The following FIGN variants were observed in gnomAD, a reference collection of about 807,000 sequenced individuals.
FIGN encodes the protein fidgetin.
A neutral mutation model predicts 51.3 loss-of-function variants in FIGN; 11 were observed. The observed-to-expected ratio is 0.21, with a 90% CI of 0.13 to 0.35. The LOEUF (loss-of-function observed/expected upper bound fraction) is 0.35, where lower values mean the gene tolerates loss of function less well. Ranked by LOEUF, FIGN falls within the 10% of genes least tolerant of loss-of-function variation. FIGN has a pLI of 1.00. For synonymous variants in FIGN, 407 were observed against 363.2 expected, an observed-to-expected ratio of 1.12 and a Z score of -1.37; for missense variants, 857 against 943.6, an observed-to-expected ratio of 0.91 and a Z score of 1.20.
rs565171253 is a variant in FIGN, at chr2:163,623,486, A to G, written c.26-11680T>C. On this transcript the variant is annotated intron_variant, in intron 2 of 2. Coordinates refer to ENST00000333129, the MANE Select transcript of FIGN (RefSeq NM_018086.4). ...TCTAGGTTTACAGGAAAAGCAAATA[A>G]TTAATGCACCCCTATTATTACTATA... Among the ~76,000 whole-genome samples, 11 of 152,276 alleles carry G rather than the reference A, an allele frequency of 7.2e-5. No homozygotes were observed. The South Asian group carries it at 2.3e-3, about 32-fold the overall frequency.
rs1553498980 is a variant in FIGN at position 163,668,024 on chromosome 2, C to CG, written c.26-56219_26-56218insC. ...ACACCCCTACCTCCAACCCCCCCCC[C>CG]CAAAAAACCCTCCACAAGTAACAAA... is the stretch of plus-strand genomic sequence containing the variant. On this transcript the variant is annotated intron_variant, in intron 2 of 2. Transcript: ENST00000333129. 1.1e-4 allele frequency among the ~76,000 whole-genome samples: 16 copies of CG among 149,486 alleles called. 1 individual carries two copies. Among genetic ancestry groups the CG allele is most frequent in the African/African-American group, 3.8e-4 (15 of 39,778 alleles).
At chr2:163,663,365 G>A (rs563844766) in intron 2 of FIGN, among the ~76,000 whole-genome samples, 18 of 151,286 alleles carry the variant, frequency 1.2e-4, no homozygotes, top group Admixed American at 4.6e-4. Flanking sequence ...ACGGAGTTTT[G>A]CTCTTGTTGC....
Position 163,610,551 on chromosome 2 carries a change from C to A in FIGN, c.1281G>T (p.Met427Ile), listed in dbSNP as rs1309430688. The change falls in exon 3 of 3, where the codon ATG (methionine) becomes ATT (isoleucine). Residue 427 changes from methionine to isoleucine, a missense_variant. Around this residue, in one of 3 missense-constraint regions of FIGN, gnomAD observed 799 missense variants for 849.5 expected, o/e 0.94. Transcript: ENST00000333129. ...ESFGKYTSPVMSEHGDEHRQL... is the reference protein window; with the variant it reads ...ESFGKYTSPVISEHGDEHRQL... ...GCCTGTGCTCGTCCCCATGCTCACT[C>A]ATTACTGGCGATGTGTACTTCCCAA... is the stretch of plus-strand genomic sequence containing the variant. 3.1e-6 allele frequency: 5 copies of A among 1,614,186 alleles called. No homozygotes were observed. Among genetic ancestry groups the A allele is most frequent in the Non-Finnish European group, 4.2e-6 (5 of 1,180,040 alleles).
chr2:163,682,522 T>A (rs1458933115), intron 2 of FIGN, among the ~76,000 whole-genome samples: 1 of 152,020 alleles, frequency 6.6e-6, no homozygotes, highest in Non-Finnish European at 1.5e-5. Context: ...ATCCAGAAAA[T>A]AATTACAGAA....
At chr2:163,729,589 T>A (rs1322087879) in intron 2 of FIGN, among the ~76,000 whole-genome samples, 1 of 152,098 alleles carries the variant, frequency 6.6e-6, no homozygotes, top group Non-Finnish European at 1.5e-5. Flanking sequence ...CTAAAAAACA[T>A]TTCCCAACAC....
intron 2 of FIGN, among the ~76,000 whole-genome samples, chr2:163,727,346 T>C (rs1306161818): frequency 6.6e-6 from 1 of 151,456 alleles, no homozygotes; most frequent in Non-Finnish European, 1.5e-5. Flanking sequence ...TGTGGCTAAC[T>C]ACCTACTAAA....
chr2:163,611,916 A>T (rs1691271406), intron 2 of FIGN, 110 bp from the exon 3 acceptor site: 1 of 527,694 alleles, frequency 1.9e-6, no homozygotes, highest in Non-Finnish European at 2.9e-6. Flanking sequence ...AATGATATGC[A>T]TACTTTAAAA....
intron 2 of FIGN, among the ~76,000 whole-genome samples, chr2:163,628,083 C>T (rs1683084016): frequency 6.6e-6 from 1 of 152,108 alleles, no homozygotes; most frequent in Non-Finnish European, 1.5e-5. Context: ...TAAAAAATGA[C>T]AAATGGTGAT....
At chr2:163,694,573 T>C (rs1000986087) in intron 2 of FIGN, among the ~76,000 whole-genome samples, 1 of 152,148 alleles carries the variant, frequency 6.6e-6, no homozygotes, top group African/African-American at 2.4e-5. Context: ...GATGAAAACA[T>C]AGAAAGTGTC....
intron 1 of FIGN, among the ~76,000 whole-genome samples, chr2:163,735,424 C>A (rs1044256797): frequency 1.3e-5 from 2 of 152,126 alleles, no homozygotes; most frequent in African/African-American, 4.8e-5. Context: ...TGTGTGTGTG[C>A]AAGATTCTTA....
Position 163,705,353 on chromosome 2 carries a change from A to C in FIGN, c.25+29550T>G, listed in dbSNP as rs1684482422. Among the ~76,000 whole-genome samples, 3 of 152,102 alleles carry C rather than the reference A, an allele frequency of 2.0e-5. No homozygotes were observed. In the South Asian group the frequency reaches 6.2e-4, roughly 32 times the overall value. On this transcript the variant is annotated intron_variant, in intron 2 of 2. Transcript: ENST00000333129. ...TTTCCATGTTCTTAAAAATTTTCAG[A>C]TGGAACTTCATAGTTCCATAGTTTC...
chr2:163,621,675 C>A (rs1165110029), intron 2 of FIGN, among the ~76,000 whole-genome samples: 1 of 152,122 alleles, frequency 6.6e-6, no homozygotes, highest in Non-Finnish European at 1.5e-5. Flanking sequence ...TAGACCTGAG[C>A]ACCACGTATA....
At chr2:163,643,876 G>A (rs2105317855) in intron 2 of FIGN, among the ~76,000 whole-genome samples, 2 of 126,898 alleles carry the variant, frequency 1.6e-5, no homozygotes, top group East Asian at 5.0e-4. Context: ...AGGTTGCAGT[G>A]AGCTGAGATC....
intron 2 of FIGN, among the ~76,000 whole-genome samples, chr2:163,702,646 T>A (rs981426077): frequency 6.6e-6 from 1 of 152,092 alleles, no homozygotes; most frequent in Non-Finnish European, 1.5e-5. Flanking sequence ...ACAAAGCAAT[T>A]ATGAACATCA....
chr2:163,694,009 C>T (rs1684277393), intron 2 of FIGN, among the ~76,000 whole-genome samples: 1 of 152,192 alleles, frequency 6.6e-6, no homozygotes, highest in Non-Finnish European at 1.5e-5. Context: ...TCTCTCTTTT[C>T]AGCTTGTTCA....
intron 2 of FIGN, among the ~76,000 whole-genome samples, chr2:163,665,859 C>G (rs546229212): frequency 1.4e-4 from 21 of 152,226 alleles, no homozygotes; most frequent in Middle Eastern, 3.4e-3. Context: ...TAAAACCTCT[C>G]TATGCCTTGC....
chr2:163,695,934 C>T (rs957670685), intron 2 of FIGN, among the ~76,000 whole-genome samples: 2 of 151,994 alleles, frequency 1.3e-5, no homozygotes, highest in African/African-American at 4.8e-5. Flanking sequence ...ATGGTGAAAC[C>T]CCAGGGTCTC....
At position 163,609,766 on chromosome 2, in the gene FIGN, G is replaced by C. The variant is rs755871895; in HGVS notation, c.2066C>G (p.Ser689Cys). ...ALLVQRTEGFSGLDVAHLCQE... is the reference protein window; with the variant it reads ...ALLVQRTEGFCGLDVAHLCQE... ...ACACAAATGAGCCACATCTAGTCCA[G>C]AAAAGCCTTCTGTGCGCTGGACGAG... Residue 689 changes from serine (S) to cysteine (C), a missense_variant, in exon 3 of 3, where the codon TCT becomes TGT. Coordinates refer to ENST00000333129, the MANE Select transcript of FIGN (RefSeq NM_018086.4). 3.0e-5 allele frequency: 49 copies of C among 1,614,026 alleles called. No individual in the cohort carries two copies. The East Asian group carries it at 1.1e-3, about 35-fold the overall frequency.
chr2:163,653,773 C>T (rs1683515033), intron 2 of FIGN, among the ~76,000 whole-genome samples: 1 of 152,070 alleles, frequency 6.6e-6, no homozygotes, highest in South Asian at 2.1e-4. Context: ...CAAACAACAA[C>T]AACAACAAAA....
Sources: gnomAD v4.1 joint callset for allele counts (sites outside exome capture counted in the v4.1 genomes callset) on GRCh38, gnomAD v4.1.1 for gene constraint, gnomAD v4.1.1 regional missense constraint, MANE v1.5 for transcripts, NCBI Gene and HGNC (gene_info 2026-07-23, HGNC 2026-07-21) for gene names.